The following GLCCI1 variants were observed in gnomAD, a reference collection of about 807,000 sequenced individuals.
GLCCI1 encodes glucocorticoid-induced transcript 1 protein.
Under a neutral mutation model 52.2 loss-of-function variants are expected in GLCCI1, and 24 were observed. That is an observed-to-expected ratio of 0.46 (90% confidence interval 0.33 to 0.65). The LOEUF (loss-of-function observed/expected upper bound fraction) is 0.65, where lower values mean the gene tolerates loss of function less well. Ranked by LOEUF, GLCCI1 falls within the 30% of genes least tolerant of loss-of-function variation. GLCCI1 has a pLI of 0.02. For missense variants in GLCCI1, 704 were observed against 701.5 expected (o/e 1.00, Z -0.04); for synonymous variants, 310 against 276.5 (o/e 1.12, Z -1.20).
chr7:8,056,828 C>G (rs1782409726), intron 4 of GLCCI1, among the ~76,000 whole-genome samples: 1 of 151,942 alleles, frequency 6.6e-6, no homozygotes, highest in African/African-American at 2.4e-5. Flanking sequence ...ACAGTAAGAT[C>G]CTAACAATAA....
intron 3 of GLCCI1, among the ~76,000 whole-genome samples, chr7:8,035,986 G>T (rs922299516): frequency 2.0e-5 from 3 of 152,198 alleles, no homozygotes; most frequent in South Asian, 2.1e-4. Context: ...GAGATCTCAG[G>T]CTACTGTGCA....
intron 1 of GLCCI1, among the ~76,000 whole-genome samples, chr7:7,992,042 T>TC (rs1485664374): frequency 1.5e-4 from 22 of 141,988 alleles, no homozygotes; most frequent in Non-Finnish European, 1.7e-4. Flanking sequence ...TAGAATTTAT[T>TC]TTTTCTTTCT....
intron 6 of GLCCI1, among the ~76,000 whole-genome samples, chr7:8,079,548 C>T (rs1279677203): frequency 6.6e-6 from 1 of 151,414 alleles, no homozygotes; most frequent in Admixed American, 6.6e-5. Context: ...TTTTAATTGT[C>T]ATATCAGATT....
chr7:8,020,330 C>T (rs967432461), intron 2 of GLCCI1, among the ~76,000 whole-genome samples: 2 of 152,058 alleles, frequency 1.3e-5, no homozygotes, highest in African/African-American at 4.8e-5. Flanking sequence ...CATCATTGAC[C>T]AAAACATTGT....
At chr7:8,004,114 CA>C in intron 2 of GLCCI1, 55 bp downstream of exon 2, 1 of 1,469,274 alleles carries the variant, frequency 6.8e-7, no homozygotes, top group Admixed American at 1.9e-5. Flanking sequence ...CTGTTTTGAT[CA>C]CAGTAAAGAA....
intron 1 of GLCCI1, among the ~76,000 whole-genome samples, chr7:7,983,138 A>G (rs995233788): frequency 3.9e-5 from 6 of 152,160 alleles, no homozygotes; most frequent in Non-Finnish European, 7.4e-5. Context: ...TGTTAAATGA[A>G]TCATATTTTG....
At chr7:8,033,524 T>G (rs1156531574) in intron 3 of GLCCI1, among the ~76,000 whole-genome samples, 2 of 151,984 alleles carry the variant, frequency 1.3e-5, no homozygotes, top group African/African-American at 4.8e-5. Context: ...TACAAATATA[T>G]TATTATAACT....
intron 6 of GLCCI1, among the ~76,000 whole-genome samples, chr7:8,084,185 G>A (rs765685881): frequency 2.0e-4 from 31 of 152,122 alleles, no homozygotes; most frequent in Non-Finnish European, 3.7e-4. Context: ...ATTGCATATG[G>A]GTTTTATGGC....
At chr7:8,029,900 A>T (rs1240655391) in intron 3 of GLCCI1, among the ~76,000 whole-genome samples, 2 of 152,178 alleles carry the variant, frequency 1.3e-5, no homozygotes, top group East Asian at 3.8e-4. Flanking sequence ...GAAATTGAAG[A>T]GGACACCAAA....
chr7:8,068,672 G>A lies in GLCCI1; in HGVS notation c.967-2249G>A, dbSNP rs532556874. 3.9e-5 allele frequency among the ~76,000 whole-genome samples: 6 copies of A among 152,088 alleles called. No homozygotes were observed. In the South Asian group the frequency reaches 1.0e-3, roughly 26 times the overall value. ...CCAACCTGTTTAAGAACCTTTGTTG[G>A]GTAACTAATGTGGTCAGTGGGAGGA... On this transcript the variant is annotated intron_variant, in intron 5 of 7. Coordinates refer to ENST00000223145, the MANE Select transcript of GLCCI1 (RefSeq NM_138426.4).
At chr7:8,024,194 T>C (rs1463576105) in intron 3 of GLCCI1, among the ~76,000 whole-genome samples, 1 of 152,192 alleles carries the variant, frequency 6.6e-6, no homozygotes, top group Non-Finnish European at 1.5e-5. Context: ...TCAGTGTCCC[T>C]CATATACTGT....
intron 6 of GLCCI1, among the ~76,000 whole-genome samples, chr7:8,080,797 A>T (rs965217543): frequency 1.3e-5 from 2 of 150,530 alleles, no homozygotes; most frequent in Non-Finnish European, 3.0e-5. Flanking sequence ...ACTGTGTTTC[A>T]GGCACTATCC....
Position 7,969,872 on chromosome 7 carries a change from T to A in GLCCI1, c.457+65T>A. 1 of 1,270,646 alleles carries A rather than the reference T, an allele frequency of 7.9e-7. No homozygotes were observed. Among genetic ancestry groups the A allele is most frequent in the South Asian group, 1.5e-5 (1 of 64,678 alleles). 78.7% of individuals were successfully genotyped at this position (1,270,646 alleles called of 1,614,324 possible). A position where few individuals can be genotyped will look rare whatever the true frequency, so the allele number is the denominator to read the frequency against. ...CCCCGACGGTGCCCTCCGTGGAAACTTCAGCCTCTTCGGGCTTCTCTTTGC... is the reference window on the plus strand; with the variant it reads ...CCCCGACGGTGCCCTCCGTGGAAACATCAGCCTCTTCGGGCTTCTCTTTGC... On this transcript the variant is annotated intron_variant, in intron 1 of 7. Transcript: ENST00000223145. This position sits in a 1 kb window ranked among gnomAD's most constrained non-coding sequence, Gnocchi z 4.9.
chr7:8,017,667 T>C (rs1337726728), intron 2 of GLCCI1, among the ~76,000 whole-genome samples: 2 of 152,202 alleles, frequency 1.3e-5, no homozygotes, highest in African/African-American at 4.8e-5. Flanking sequence ...TAAGTGCTGC[T>C]ATTGCTGAAT....
chr7:8,001,825 C>T (rs1416502926), intron 1 of GLCCI1, among the ~76,000 whole-genome samples: 1 of 152,112 alleles, frequency 6.6e-6, no homozygotes, highest in Non-Finnish European at 1.5e-5. Flanking sequence ...AAGCTGGAAA[C>T]CATCATTCTG....
intron 5 of GLCCI1, among the ~76,000 whole-genome samples, chr7:8,065,822 G>A (rs1782619305): frequency 6.6e-6 from 1 of 152,056 alleles, no homozygotes; most frequent in African/African-American, 2.4e-5. Flanking sequence ...GAGGATTTTT[G>A]CATCTATTTT....
chr7:7,988,766 A>G (rs1175657226), intron 1 of GLCCI1, among the ~76,000 whole-genome samples: 2 of 152,202 alleles, frequency 1.3e-5, no homozygotes, highest in Non-Finnish European at 2.9e-5. Flanking sequence ...TAATAATACA[A>G]AAAGTCTTCT....
intron 2 of GLCCI1, among the ~76,000 whole-genome samples, chr7:8,007,919 G>A (rs1350685490): frequency 6.6e-6 from 1 of 152,078 alleles, no homozygotes; most frequent in African/African-American, 2.4e-5. Context: ...GGCCCACTGA[G>A]GGAACTTTCT....
chr7:8,073,787 T>C (rs905107070), intron 6 of GLCCI1, among the ~76,000 whole-genome samples: 1 of 152,204 alleles, frequency 6.6e-6, no homozygotes, highest in African/African-American at 2.4e-5. Flanking sequence ...CTCTGTTTTC[T>C]ACAAGATCAC....
Sources: allele counts gnomAD v4.1 joint callset (sites outside exome capture counted in the v4.1 genomes callset), GRCh38; gene constraint gnomAD v4.1.1; non-coding constraint Gnocchi (gnomAD v3.1); transcripts MANE v1.5; gene names NCBI Gene and HGNC (gene_info 2026-07-23, HGNC 2026-07-21).